Variants in GSE1 observed in about 807,000 individuals in gnomAD.
GSE1 encodes the protein genetic suppressor element 1.
In GSE1, 32 loss-of-function variants were observed where a neutral mutation model predicts 112.6. The observed-to-expected ratio is 0.28, with a 90% confidence interval of 0.21 to 0.38. GSE1 has a LOEUF of 0.38. GSE1 is among the 10% of genes least tolerant of loss of function. The pLI, the probability that GSE1 is intolerant of heterozygous loss-of-function variation, is 1.00. For synonymous variants in GSE1, 1,115 were observed against 735.6 expected (o/e 1.52, Z -8.35); for missense variants, 2,348 against 1,699.2 (o/e 1.38, Z -6.71).
At chr16:85,491,279 C>T (rs553526014) in intron 2 of GSE1, among the ~76,000 whole-genome samples, 9 of 152,336 alleles carry the variant, frequency 5.9e-5, no homozygotes, top group African/African-American at 2.2e-4. Context: ...CAATCTGTTT[C>T]TTCACCCAAT....
At chr16:85,647,238 G>T (rs1453934527) in intron 2 of GSE1, among the ~76,000 whole-genome samples, 1 of 152,286 alleles carries the variant, frequency 6.6e-6, no homozygotes, top group East Asian at 1.9e-4. Flanking sequence ...CAGGCCCAAA[G>T]CCCTCCTGCC....
chr16:85,597,915 G>C (rs2047301361), intron 1 of GSE1, among the ~76,000 whole-genome samples: 1 of 152,210 alleles, frequency 6.6e-6, no homozygotes, highest in Non-Finnish European at 1.5e-5. Context: ...TTGGGTTCAG[G>C]TGCTTAACCT....
chr16:85,528,841 C>T (rs767190077), intron 2 of GSE1, among the ~76,000 whole-genome samples: 2 of 151,998 alleles, frequency 1.3e-5, no homozygotes, highest in Non-Finnish European at 2.9e-5. Context: ...GTGGCTGCCT[C>T]GTGGAGGAGG....
intron 1 of GSE1, among the ~76,000 whole-genome samples, chr16:85,278,038 C>G (rs926336115): frequency 2.6e-5 from 4 of 152,268 alleles, no homozygotes; most frequent in Non-Finnish European, 5.9e-5. Flanking sequence ...GCATGTGTCC[C>G]AACCGTATCG....
intron 2 of GSE1, among the ~76,000 whole-genome samples, chr16:85,634,675 T>G (rs1048228076): frequency 6.6e-6 from 1 of 152,224 alleles, no homozygotes; most frequent in Non-Finnish European, 1.5e-5. Flanking sequence ...CCCCGGGGTC[T>G]GGAGCCTTGG....
At chr16:85,511,962 G>A (rs1440782480) in intron 2 of GSE1, among the ~76,000 whole-genome samples, 2 of 152,214 alleles carry the variant, frequency 1.3e-5, no homozygotes, top group Admixed American at 6.5e-5. Context: ...AGGCTGCTTG[G>A]AGGGCTCGAT....
chr16:85,502,436 A>G (rs921696973), intron 2 of GSE1, among the ~76,000 whole-genome samples: 7 of 152,116 alleles, frequency 4.6e-5, no homozygotes, highest in South Asian at 2.1e-4. Flanking sequence ...CATTTTACCA[A>G]TGGGGAAACT....
chr16:85,458,139 C>T (rs1024148174), intron 2 of GSE1, among the ~76,000 whole-genome samples: 11 of 152,286 alleles, frequency 7.2e-5, no homozygotes, highest in African/African-American at 1.4e-4. Context: ...CAGCACCAGC[C>T]GGCACTGACC....
chr16:85,661,380 G>C lies in GSE1; in HGVS notation c.1875G>C (p.Val625=). 6.2e-7 allele frequency: 1 copy of C among 1,612,374 alleles called. No homozygotes were observed. Among genetic ancestry groups the C allele is most frequent in the Non-Finnish European group, 8.5e-7 (1 of 1,179,746 alleles). Residue 625 remains valine, a synonymous_variant, in exon 9 of 16, where the codon GTG becomes GTC. Transcript: ENST00000253458. Reference sequence around the variant, plus strand: ...AGGCAGCCGTGCCGCTGGTGAAGGTGGAGCGGGTCTTCTGCCCGGAGAAAG... The same window carrying C: ...AGGCAGCCGTGCCGCTGGTGAAGGTCGAGCGGGTCTTCTGCCCGGAGAAAG... The part of the protein sequence containing the change: ...SRQAAVPLVK[V]ERVFCPEKAE...
chr16:85,426,526 G>GGTGGA (rs1555510137), intron 2 of GSE1, among the ~76,000 whole-genome samples: 1 of 133,726 alleles, frequency 7.5e-6, no homozygotes. Flanking sequence ...GGGTGGAAGG[G>GGTGGA]TGGGTGGATG....
intron 1 of GSE1, among the ~76,000 whole-genome samples, chr16:85,182,248 C>G (rs2074602943): frequency 6.6e-6 from 1 of 152,210 alleles, no homozygotes; most frequent in Non-Finnish European, 1.5e-5. Flanking sequence ...CACCATCAGC[C>G]TCGTACAGAA....
intron 1 of GSE1, among the ~76,000 whole-genome samples, chr16:85,599,436 C>T (rs1449620250): frequency 6.6e-6 from 1 of 152,238 alleles, no homozygotes; most frequent in Non-Finnish European, 1.5e-5. Context: ...GACCTGCCCC[C>T]AATCTGGAAT....
chr16:85,194,455 T>C (rs763305141), intron 1 of GSE1, among the ~76,000 whole-genome samples: 1 of 152,128 alleles, frequency 6.6e-6, no homozygotes. Context: ...AAGAGGTTGA[T>C]TGCAAACAAT....
At position 85,178,587 on chromosome 16, in the gene GSE1, C is replaced by T. The variant is rs150851608; in HGVS notation, c.2283+6780C>T. On this transcript the variant is annotated intron_variant, in intron 1 of 2. Coordinates refer to the GSE1 transcript ENST00000637419. ...TGCAAGGGTGAGAACTGCTGACGGA[C>T]GGCATCGTGGGCACAGCTGAGGAGT... 1.3e-3 allele frequency among the ~76,000 whole-genome samples: 193 copies of T among 152,126 alleles called. 2 individuals are homozygous for T. The highest frequency in any genetic ancestry group is 4.4e-3 in the African/African-American group (182 of 41,482).
chr16:85,486,307 A>G (rs2050836116), intron 2 of GSE1, among the ~76,000 whole-genome samples: 1 of 78,064 alleles, frequency 1.3e-5, no homozygotes, highest in Non-Finnish European at 2.3e-5. Flanking sequence ...ACACACACGT[A>G]CGCACACTCC....
intron 1 of GSE1, among the ~76,000 whole-genome samples, chr16:85,273,417 A>G (rs980373847): frequency 1.3e-5 from 2 of 152,234 alleles, no homozygotes; most frequent in African/African-American, 4.8e-5. Context: ...GTGTCTGTCA[A>G]CTGATAATGG....
In GSE1 at chr16:85,189,676, C is replaced by A. The variant is rs181946315; in HGVS notation, c.2283+17869C>A. On this transcript the variant is annotated intron_variant, in intron 1 of 2. Coordinates refer to the GSE1 transcript ENST00000637419. ...CTTCTTAAGTAGATGGGAAACTTGG[C>A]CAATGTCTTGATGTACTGACAATGA... Among the ~76,000 whole-genome samples the A allele has an allele frequency of 2.3e-3, 343 of 152,304 alleles. 1 individual carries two copies. Among genetic ancestry groups the A allele is most frequent in the African/African-American group, 7.7e-3 (322 of 41,550 alleles).
intron 1 of GSE1, among the ~76,000 whole-genome samples, chr16:85,174,825 C>A (rs965943928): frequency 2.0e-5 from 3 of 152,202 alleles, no homozygotes; most frequent in Non-Finnish European, 4.4e-5. Flanking sequence ...CTGTGAGCCC[C>A]CTGGGGAGGG....
At chr16:85,237,699 G>A (rs1014007210) in intron 1 of GSE1, among the ~76,000 whole-genome samples, 35 of 152,034 alleles carry the variant, frequency 2.3e-4, no homozygotes, top group Non-Finnish European at 4.0e-4. Flanking sequence ...TTAGCCAGGG[G>A]TGGTGGCGGG....
Sources: allele counts gnomAD v4.1 joint callset (sites outside exome capture counted in the v4.1 genomes callset), GRCh38; gene constraint gnomAD v4.1.1; transcripts MANE v1.5; gene names NCBI Gene and HGNC (gene_info 2026-07-23, HGNC 2026-07-21).